Variants in SUFU observed in about 807,000 individuals in gnomAD.
The protein encoded by SUFU is SUFU negative regulator of hedgehog signaling.
Under a neutral mutation model 58.9 loss-of-function variants are expected in SUFU, and 7 were observed. The ratio of observed to expected loss-of-function variants is 0.12; its 90% CI spans 0.07 to 0.22. The LOEUF is 0.22. Among genes scored for constraint, SUFU ranks in the 10% least tolerant of loss-of-function variants. The probability of loss-of-function intolerance (pLI) is 1.00; values close to 1 mark genes in which losing one functional copy is unlikely to be tolerated. For synonymous variants in SUFU, 232 were observed against 254.8 expected (o/e 0.91, Z 0.85); for missense variants, 451 against 641.3 (o/e 0.70, Z 3.20).
At chr10:102,618,940 G>GTGTGTT (rs2063715280) in intron 10 of SUFU, 1 of 604,162 alleles carries the variant, frequency 1.7e-6, no homozygotes, top group African/African-American at 2.0e-5. Flanking sequence ...GCGTGTGTGT[G>GTGTGTT]TGTGTGTGTG....
At chr10:102,580,029 A>ACCCCCCCCCCCCCCC (rs71474507) in intron 3 of SUFU, among the ~76,000 whole-genome samples, 2 of 84,662 alleles carry the variant, frequency 2.4e-5, no homozygotes, top group African/African-American at 4.3e-5. Flanking sequence ...CCTCCCCCGC[A>ACCCCCCCCCCCCCCC]CCCCCCCCCC....
intron 2 of SUFU, among the ~76,000 whole-genome samples, chr10:102,518,885 A>G (rs2062508593): frequency 6.6e-6 from 1 of 151,416 alleles, no homozygotes; most frequent in African/African-American, 2.4e-5. Flanking sequence ...CACACTTGTA[A>G]TCCCAGCACT....
intron 3 of SUFU, among the ~76,000 whole-genome samples, chr10:102,562,274 C>T (rs1342370785): frequency 1.3e-5 from 2 of 152,106 alleles, no homozygotes; most frequent in African/African-American, 2.4e-5. Context: ...CCTGTAATCC[C>T]AGCACTTTGG....
At chr10:102,534,658 GT>G (rs1215163629) in intron 2 of SUFU, among the ~76,000 whole-genome samples, 1 of 152,234 alleles carries the variant, frequency 6.6e-6, no homozygotes, top group Non-Finnish European at 1.5e-5. Flanking sequence ...AGCACTGAAG[GT>G]CTTAGAGCAG....
At chr10:102,600,797 G>A (rs1005552850) in intron 8 of SUFU, among the ~76,000 whole-genome samples, 4 of 152,232 alleles carry the variant, frequency 2.6e-5, no homozygotes, top group African/African-American at 7.2e-5. Flanking sequence ...GGGCTGTACT[G>A]AGAGTTGAGC....
intron 2 of SUFU, among the ~76,000 whole-genome samples, chr10:102,518,824 C>G (rs2062507808): frequency 6.6e-6 from 1 of 151,590 alleles, no homozygotes; most frequent in Non-Finnish European, 1.5e-5. Context: ...AGTCACCGCA[C>G]CCGGCCTGGA....
intron 5 of SUFU, 88 bp from the exon 6 acceptor site, chr10:102,593,905 C>A: frequency 6.6e-7 from 1 of 1,513,866 alleles, no homozygotes. Flanking sequence ...GTGTCCTAGG[C>A]CTGGGGCAGC....
chr10:102,594,356 T>C (rs2063438453), intron 6 of SUFU, among the ~76,000 whole-genome samples: 2 of 152,154 alleles, frequency 1.3e-5, no homozygotes, highest in African/African-American at 2.4e-5. Context: ...AAAAGATAAG[T>C]GTAGTGGATA....
intron 7 of SUFU, among the ~76,000 whole-genome samples, chr10:102,597,893 G>A (rs941415259): frequency 2.0e-5 from 3 of 152,260 alleles, no homozygotes; most frequent in African/African-American, 7.2e-5. Context: ...TCCCTGTGCT[G>A]ATCTTGGCTA....
At chr10:102,527,845 G>A (rs2135687072) in intron 2 of SUFU, among the ~76,000 whole-genome samples, 1 of 152,286 alleles carries the variant, frequency 6.6e-6, no homozygotes, top group African/African-American at 2.4e-5. Context: ...GGAGGAGAGT[G>A]GGTGGACAAA....
intron 3 of SUFU, among the ~76,000 whole-genome samples, chr10:102,566,116 G>C (rs770999545): frequency 6.6e-6 from 1 of 152,220 alleles, no homozygotes; most frequent in Admixed American, 6.5e-5. Context: ...GCTCATGATA[G>C]AGTGTTCAGC....
At chr10:102,567,010 T>TC in intron 3 of SUFU, among the ~76,000 whole-genome samples, 1 of 98,438 alleles carries the variant, frequency 1.0e-5, no homozygotes, top group Non-Finnish European at 2.1e-5. Flanking sequence ...CAGGCTCTTT[T>TC]TTTTTTTTTT....
intron 8 of SUFU, among the ~76,000 whole-genome samples, chr10:102,601,010 C>T (rs1248548292): frequency 6.6e-6 from 1 of 152,220 alleles, no homozygotes; most frequent in Non-Finnish European, 1.5e-5. Flanking sequence ...CCCGGGTCTA[C>T]ACTCCTTCCC....
chr10:102,526,476 C>T (rs1258160732), intron 2 of SUFU, among the ~76,000 whole-genome samples: 2 of 151,740 alleles, frequency 1.3e-5, no homozygotes, highest in Non-Finnish European at 2.9e-5. Flanking sequence ...TCGCTTGAGC[C>T]CAGGAGGCAG....
intron 3 of SUFU, among the ~76,000 whole-genome samples, chr10:102,556,195 C>T (rs2062974894): frequency 1.3e-5 from 2 of 151,542 alleles, no homozygotes; most frequent in African/African-American, 4.8e-5. Context: ...TGCCCACAGC[C>T]AGCCATGGAG....
At chr10:102,568,462 T>G (rs1307048058) in intron 3 of SUFU, among the ~76,000 whole-genome samples, 1 of 152,254 alleles carries the variant, frequency 6.6e-6, no homozygotes, top group Non-Finnish European at 1.5e-5. Context: ...CATTTTTATT[T>G]GGTTACTATC....
chr10:102,561,667 CTTTT>C (rs34738568), intron 3 of SUFU, among the ~76,000 whole-genome samples: 2 of 110,612 alleles, frequency 1.8e-5, no homozygotes, highest in Admixed American at 1.1e-4. Context: ...GACCAGCAAG[CTTTT>C]TTTTTTTTTT....
chr10:102,524,146 T>C (rs2062581317), intron 2 of SUFU, among the ~76,000 whole-genome samples: 1 of 152,058 alleles, frequency 6.6e-6, no homozygotes, highest in South Asian at 2.1e-4. Flanking sequence ...AGTATCCCCC[T>C]TTCCTGCCTA....
At chr10:102,571,777 C>G (rs577408688) in intron 3 of SUFU, among the ~76,000 whole-genome samples, 1 of 152,338 alleles carries the variant, frequency 6.6e-6, no homozygotes, top group Admixed American at 6.5e-5. Flanking sequence ...TCTAGGTCCT[C>G]TGGCCAGGGC....
Sources: gnomAD v4.1 joint callset for allele counts (sites outside exome capture counted in the v4.1 genomes callset) on GRCh38, gnomAD v4.1.1 for gene constraint, MANE v1.5 for transcripts, NCBI Gene and HGNC (gene_info 2026-07-23, HGNC 2026-07-21) for gene names.